PTPRG: variants seen among roughly 807,000 people sequenced by gnomAD.
The protein encoded by PTPRG is receptor-type tyrosine-protein phosphatase gamma.
PTPRG carries 102 observed loss-of-function variants against 165.3 expected under a neutral mutation model. The observed-to-expected ratio is 0.62, with a 90% CI of 0.53 to 0.73. The LOEUF is 0.73. PTPRG is among the 30% of genes least tolerant of loss of function. The pLI, the probability that PTPRG is intolerant of heterozygous loss-of-function variation, is 0.00. For missense variants in PTPRG, 1,866 were observed against 1,861.4 expected (o/e 1.00, Z -0.05); for synonymous variants, 675 against 669.5 (o/e 1.01, Z -0.13).
At chr3:62,010,370 T>TTTTG (rs1553704190) in intron 4 of PTPRG, among the ~76,000 whole-genome samples, 1 of 149,464 alleles carries the variant, frequency 6.7e-6, no homozygotes, top group African/African-American at 2.5e-5. Context: ...CCCTCTCTTC[T>TTTTG]TGTGTGTGTG....
At chr3:61,825,778 GA>G (rs34167162) in intron 2 of PTPRG, among the ~76,000 whole-genome samples, 47,120 of 151,746 alleles carry the variant, frequency 0.31, 7,490 homozygotes, top group East Asian at 0.51. Context: ...CTAAGTAGCT[GA>G]AGACTAGAGC....
chr3:62,261,034 G>A (rs1365490105), intron 16 of PTPRG: 3 of 152,080 alleles, frequency 2.0e-5, no homozygotes, highest in African/African-American at 7.2e-5. Flanking sequence ...AAGCAGTCTT[G>A]GTCAATTGCA....
intron 4 of PTPRG, among the ~76,000 whole-genome samples, chr3:62,062,022 G>A (rs1428163292): frequency 2.0e-5 from 3 of 151,902 alleles, no homozygotes; most frequent in East Asian, 2.0e-4. Flanking sequence ...ATGGGGGGGC[G>A]GGCGTGGTGG....
At chr3:61,661,845 T>C (rs957903820) in intron 1 of PTPRG, among the ~76,000 whole-genome samples, 3 of 152,228 alleles carry the variant, frequency 2.0e-5, no homozygotes, top group Non-Finnish European at 4.4e-5. Flanking sequence ...TTACAAATAC[T>C]TACCTGTCAA....
At chr3:61,716,197 T>G (rs1004378629) in intron 1 of PTPRG, among the ~76,000 whole-genome samples, 1 of 152,176 alleles carries the variant, frequency 6.6e-6, no homozygotes, top group African/African-American at 2.4e-5. Flanking sequence ...AACTCTGAGG[T>G]TCCTCTAACG....
rs528155656 is a variant in PTPRG at position 61,600,145 on chromosome 3, G to C, written c.85+37773G>C. Reference sequence around the variant, plus strand: ...ACTATACTCCAGCCTGGGCGACAGAGTGAGACATTGTCTCAAAAAAAAAAA... The same window carrying C: ...ACTATACTCCAGCCTGGGCGACAGACTGAGACATTGTCTCAAAAAAAAAAA... On this transcript the variant is annotated intron_variant, in intron 1 of 29. Coordinates refer to ENST00000474889, the MANE Select transcript of PTPRG (RefSeq NM_002841.4). 2.5e-3 allele frequency among the ~76,000 whole-genome samples: 324 copies of C among 131,914 alleles called. 1 individual carries two copies. The highest frequency in any genetic ancestry group is 8.9e-3 in the African/African-American group (307 of 34,408). 86.5% of individuals were successfully genotyped at this position (131,914 alleles called of 152,430 possible). A position where few individuals can be genotyped will look rare whatever the true frequency, so the allele number is the denominator to read the frequency against.
At chr3:61,681,550 C>T (rs1299451243) in intron 1 of PTPRG, among the ~76,000 whole-genome samples, 1 of 152,084 alleles carries the variant, frequency 6.6e-6, no homozygotes, top group Non-Finnish European at 1.5e-5. Context: ...AGGACTCGGC[C>T]GTTTGTTTCA....
chr3:61,972,644 T>G (rs1272800674), intron 2 of PTPRG, among the ~76,000 whole-genome samples: 1 of 144,070 alleles, frequency 6.9e-6, no homozygotes, highest in Non-Finnish European at 1.5e-5. Context: ...GTTCTTTTTC[T>G]TTTTTTTTCT....
rs538663701 is a variant in PTPRG, at chr3:62,295,731, T to C, written c.*2424T>C. 2.6e-5 allele frequency: 4 copies of C among 152,242 alleles called. No individual in the cohort carries two copies. In the South Asian group the frequency reaches 8.3e-4, roughly 32 times the overall value. The allele number at this position is 152,242 out of a possible 1,614,324, so 9.4% of individuals were successfully genotyped here. ...CCACTGAATTATAAGCAATTGCTAC[T>C]TGCCCATCTTGCCAAAGTAGTCCAA... On this transcript the variant is annotated 3_prime_UTR_variant, in exon 30 of 30. Transcript: ENST00000474889.
At chr3:62,041,314 A>G (rs1700120239) in intron 4 of PTPRG, among the ~76,000 whole-genome samples, 1 of 152,200 alleles carries the variant, frequency 6.6e-6, no homozygotes, top group Non-Finnish European at 1.5e-5. Context: ...TAAATCCAGG[A>G]GACAGAACGT....
At chr3:62,012,183 C>T (rs1209020421) in intron 4 of PTPRG, among the ~76,000 whole-genome samples, 1 of 152,174 alleles carries the variant, frequency 6.6e-6, no homozygotes, top group Non-Finnish European at 1.5e-5. Flanking sequence ...GAGAGAGGGA[C>T]TCTTCTTATA....
chr3:61,604,862 G>A (rs1203215972), intron 1 of PTPRG, among the ~76,000 whole-genome samples: 1 of 152,112 alleles, frequency 6.6e-6, no homozygotes, highest in Non-Finnish European at 1.5e-5. Flanking sequence ...CAGGGTCCAG[G>A]CAGGGTGCCC....
intron 2 of PTPRG, among the ~76,000 whole-genome samples, chr3:61,766,726 C>T (rs987230134): frequency 6.6e-6 from 1 of 151,880 alleles, no homozygotes; most frequent in Non-Finnish European, 1.5e-5. Context: ...AAGCAATTCT[C>T]CTGTCTCAGC....
intron 1 of PTPRG, among the ~76,000 whole-genome samples, chr3:61,592,653 T>TTTC (rs1559515560): frequency 2.0e-4 from 29 of 144,496 alleles, no homozygotes; most frequent in East Asian, 1.4e-3. Flanking sequence ...TTCTTTCTTT[T>TTTC]TTTTTTTTTT....
In PTPRG at chr3:62,233,797, T is replaced by C. The variant is rs865973852; in HGVS notation, c.2375+2486T>C. ...CAGGACAACAGCTGTGAGAGGTGAT[T>C]ATCCTCCCAGAAAGGAGAGGAAAAA... On this transcript the variant is annotated intron_variant, in intron 14 of 29. Transcript: ENST00000474889. This position sits in a 1 kb window ranked among gnomAD's most constrained non-coding sequence, Gnocchi z 4.7. Among the ~76,000 whole-genome samples, 8 of 152,348 alleles carry C rather than the reference T, an allele frequency of 5.3e-5. No individual in the cohort carries two copies. The highest frequency in any genetic ancestry group is 3.4e-3 in the Middle Eastern group (1 of 294).
At chr3:61,850,993 G>C (rs374093079) in intron 2 of PTPRG, among the ~76,000 whole-genome samples, 2 of 152,288 alleles carry the variant, frequency 1.3e-5, no homozygotes, top group African/African-American at 4.8e-5. Context: ...TAGGTGTCAG[G>C]TTAGGTAAGA....
At chr3:62,071,534 C>T (rs1005477609) in intron 4 of PTPRG, among the ~76,000 whole-genome samples, 5 of 152,166 alleles carry the variant, frequency 3.3e-5, no homozygotes, top group Non-Finnish European at 7.3e-5. Context: ...GCTTTTATTT[C>T]GTGATACACT....
intron 2 of PTPRG, chr3:61,749,630 T>C (rs779956001): frequency 1.3e-5 from 2 of 154,686 alleles, no homozygotes; most frequent in Non-Finnish European, 2.9e-5. Flanking sequence ...TAGACTTTTC[T>C]GGATTAGGCT....
intron 4 of PTPRG, among the ~76,000 whole-genome samples, chr3:62,008,865 C>G (rs1297231695): frequency 6.6e-6 from 1 of 152,174 alleles, no homozygotes. Flanking sequence ...GGTAATGCTC[C>G]TTGCCCACCA....
Sources: allele counts gnomAD v4.1 joint callset (sites outside exome capture counted in the v4.1 genomes callset), GRCh38; gene constraint gnomAD v4.1.1; non-coding constraint Gnocchi (gnomAD v3.1); transcripts MANE v1.5; gene names NCBI Gene and HGNC (gene_info 2026-07-23, HGNC 2026-07-21).